DHX36: variants seen among roughly 807,000 people sequenced by gnomAD.
The protein encoded by DHX36 is ATP-dependent DNA/RNA helicase DHX36.
DHX36 carries 50 observed loss-of-function variants against 139.0 expected under a neutral mutation model. The ratio of observed to expected loss-of-function variants is 0.36; its 90% confidence interval spans 0.29 to 0.46. DHX36 has a LOEUF of 0.46. Among genes scored for constraint, DHX36 ranks in the 20% least tolerant of loss-of-function variants. DHX36 has a pLI of 1.00. For synonymous variants in DHX36, 425 were observed against 401.9 expected, an observed-to-expected ratio of 1.06 and a Z score of -0.69; for missense variants, 1,024 against 1,211.3, an observed-to-expected ratio of 0.85 and a Z score of 2.29.
In DHX36 at chr3:154,300,666, T is replaced by C. The variant is rs1576870542; in HGVS notation, c.1389A>G (p.Glu463=). The change falls in exon 11 of 25, where the codon GAA becomes GAG. Residue 463 remains glutamate (E), a synonymous_variant. Transcript: ENST00000496811. ...RYSASTVDVI[E]MMEDDKVDLN... is the part of the protein sequence containing the mutation. ...GATCAACTTTATCATCCTCCATCAT[T>C]TCTATAACATCTACAGTACTTGCAG... The C allele has an allele frequency of 1.2e-6, 2 of 1,613,630 alleles. No individual in the cohort carries two copies. The highest frequency in any genetic ancestry group is 4.5e-5 in the East Asian group (2 of 44,806).
intron 10 of DHX36, 145 bp downstream of exon 10, chr3:154,300,842 G>A: frequency 7.5e-7 from 1 of 1,329,856 alleles, no homozygotes; most frequent in South Asian, 1.3e-5. Context: ...CTGCTTAAAA[G>A]TCAAATCAGC....
At chr3:154,315,510 TTAAAAA>T (rs1480438407) in intron 2 of DHX36, among the ~76,000 whole-genome samples, 3 of 152,164 alleles carry the variant, frequency 2.0e-5, no homozygotes, top group Admixed American at 6.5e-5. Flanking sequence ...CTTGTGATAG[TTAAAAA>T]TAAAAATCCA....
In DHX36 at chr3:154,315,160, A is replaced by G. The variant is rs141903787; in HGVS notation, c.489T>C (p.Ile163=). The G allele has an allele frequency of 1.2e-5, 20 of 1,613,374 alleles. No individual in the cohort carries two copies. The highest frequency in any genetic ancestry group is 1.7e-6 in the Non-Finnish European group (2 of 1,179,676). Residue 163 remains isoleucine (I), a synonymous_variant, in exon 3 of 25, where the codon ATT becomes ATC. Transcript: ENST00000496811. ...GCAAGAGATACTCAGAATCTCGGTC[A>G]ATATATGATCTGTTCCTGATTCTAA... ...KMFRIRNRSY[I]DRDSEYLLQE... is the part of the protein sequence containing the mutation.
chr3:154,293,629 T>C, intron 14 of DHX36, 119 bp downstream of exon 14: 2 of 714,368 alleles, frequency 2.8e-6, no homozygotes. Flanking sequence ...ATAAAAAAGG[T>C]TTTATTTTTA....
chr3:154,283,284 G>C lies in DHX36; in HGVS notation c.2293-13C>G. The C allele has an allele frequency of 1.3e-6, 2 of 1,574,936 alleles. No individual in the cohort carries two copies. The highest frequency in any genetic ancestry group is 1.7e-6 in the Non-Finnish European group (2 of 1,145,612). The stretch of plus-strand genomic sequence containing the variant: ...CCTCTTCCCAGCCCTATGGGGCAAA[G>C]AAATGAAGAAATCTATATTTCTCCC... On this transcript the variant is annotated splice_polypyrimidine_tract_variant and intron_variant, in intron 19 of 24. Transcript: ENST00000496811.
intron 12 of DHX36, among the ~76,000 whole-genome samples, chr3:154,298,877 G>A (rs1239876209): frequency 1.3e-5 from 2 of 152,156 alleles, no homozygotes; most frequent in Non-Finnish European, 2.9e-5. Context: ...TCGCACCACT[G>A]CACTCCAGCC....
At chr3:154,284,482 T>C in intron 19 of DHX36, 101 bp downstream of exon 19, 2 of 1,098,886 alleles carry the variant, frequency 1.8e-6, no homozygotes, top group Non-Finnish European at 2.6e-6. Flanking sequence ...CGCCCGGCCT[T>C]ATAACAGAGA....
rs555340044 is a variant in DHX36, at chr3:154,276,955, A to G, written c.2689-56T>C. On this transcript the variant is annotated intron_variant, in intron 23 of 24. Coordinates refer to ENST00000496811, the MANE Select transcript of DHX36 (RefSeq NM_020865.3). Reference sequence around the variant, plus strand: ...TTCAGGAGTCTGAAAAGATTACTATATAAATTCAACAATATTACCAGTATT... The same window carrying G: ...TTCAGGAGTCTGAAAAGATTACTATGTAAATTCAACAATATTACCAGTATT... 8.2e-6 allele frequency: 12 copies of G among 1,468,120 alleles called. No homozygotes were observed. The East Asian group carries it at 2.7e-4, about 33-fold the overall frequency. The allele number at this position is 1,468,120 out of a possible 1,614,324, so 90.9% of individuals were successfully genotyped here.
intron 12 of DHX36, among the ~76,000 whole-genome samples, chr3:154,298,008 A>G (rs1434054960): frequency 6.6e-6 from 1 of 152,236 alleles, no homozygotes; most frequent in Non-Finnish European, 1.5e-5. Context: ...GGTTAACTAT[A>G]CAACTGATTA....
intron 12 of DHX36, among the ~76,000 whole-genome samples, chr3:154,296,241 G>A (rs1255503281): frequency 3.9e-5 from 6 of 152,108 alleles, no homozygotes; most frequent in Non-Finnish European, 5.9e-5. Context: ...TTGGGAGGCC[G>A]AGGCGGGCGG....
chr3:154,306,809 C>G (rs1262578810), intron 5 of DHX36, among the ~76,000 whole-genome samples: 2 of 151,940 alleles, frequency 1.3e-5, no homozygotes, highest in Non-Finnish European at 2.9e-5. Context: ...AACAGTTATT[C>G]TGTGACAGAA....
At chr3:154,295,225 A>T in intron 13 of DHX36, 59 bp downstream of exon 13, 1 of 973,496 alleles carries the variant, frequency 1.0e-6, no homozygotes, top group Non-Finnish European at 1.5e-6. Flanking sequence ...CGTAACAAGC[A>T]GTCCTTAAAG....
intron 6 of DHX36, among the ~76,000 whole-genome samples, chr3:154,305,642 C>T (rs1223364941): frequency 6.6e-5 from 10 of 152,220 alleles, no homozygotes; most frequent in South Asian, 2.1e-4. Flanking sequence ...TGGTGTCCGC[C>T]GGTAGGCCCA....
In DHX36 at chr3:154,300,639, C is replaced by T. The variant is rs145575921; in HGVS notation, c.1416G>A (p.Leu472=). 415 of 1,613,868 alleles carry T rather than the reference C, an allele frequency of 2.6e-4. 1 individual carries two copies. The East Asian group carries it at 7.9e-3, about 31-fold the overall frequency. The part of the protein sequence containing the change: ...IEMMEDDKVD[L]NLIVALIRYI... ...ATCGGATGAGGGCAACAATCAAATT[C>T]AGATCAACTTTATCATCCTCCATCA... The change falls in exon 11 of 25, where the codon CTG becomes CTA. Residue 472 remains leucine (L), a synonymous_variant. Transcript: ENST00000496811.
intron 17 of DHX36, among the ~76,000 whole-genome samples, chr3:154,285,508 G>A (rs1017843219): frequency 6.6e-6 from 1 of 152,150 alleles, no homozygotes; most frequent in African/African-American, 2.4e-5. Context: ...GAAGATACAA[G>A]GAGTTAACAA....
intron 1 of DHX36, among the ~76,000 whole-genome samples, chr3:154,316,732 C>T (rs1712998019): frequency 6.8e-6 from 1 of 147,868 alleles, no homozygotes; most frequent in South Asian, 2.1e-4. Context: ...ACAGACTGGA[C>T]AAATATAAAG....
chr3:154,282,594 G>A lies in DHX36; in HGVS notation c.2376+594C>T, dbSNP rs575729824. ...GATCCTTTTTTTCCATTTTGCTAAT[G>A]ACTGGGCACTTCTGATTTGGTATGT... On this transcript the variant is annotated intron_variant, in intron 20 of 24. Coordinates refer to ENST00000496811, the MANE Select transcript of DHX36 (RefSeq NM_020865.3). Among the ~76,000 whole-genome samples, 20 of 149,872 alleles carry A rather than the reference G, an allele frequency of 1.3e-4. No individual in the cohort carries two copies. The South Asian group carries it at 4.2e-3, about 32-fold the overall frequency.
chr3:154,320,008 G>T (rs567935203), intron 1 of DHX36, among the ~76,000 whole-genome samples: 1 of 152,040 alleles, frequency 6.6e-6, no homozygotes, highest in Admixed American at 6.6e-5. Context: ...CCGCAATCTG[G>T]CTTTTACTTC....
chr3:154,294,869 C>A (rs1711978332), intron 13 of DHX36, among the ~76,000 whole-genome samples: 1 of 152,138 alleles, frequency 6.6e-6, no homozygotes, highest in South Asian at 2.1e-4. Flanking sequence ...ATTATTAAAA[C>A]AGAAATTTTA....
Sources: gnomAD v4.1 joint callset for allele counts (sites outside exome capture counted in the v4.1 genomes callset) on GRCh38, gnomAD v4.1.1 for gene constraint, MANE v1.5 for transcripts, NCBI Gene and HGNC (gene_info 2026-07-23, HGNC 2026-07-21) for gene names.